CACNA1E: variants seen among roughly 807,000 people sequenced by gnomAD.
CACNA1E encodes the protein voltage-dependent R-type calcium channel subunit alpha-1E.
In CACNA1E, 40 loss-of-function variants were observed where a neutral mutation model predicts 259.2. The observed-to-expected ratio is 0.15, with a 90% CI of 0.12 to 0.20. CACNA1E has a LOEUF of 0.20. Ranked by LOEUF, CACNA1E falls within the 10% of genes least tolerant of loss-of-function variation. The probability of loss-of-function intolerance (pLI) is 1.00; values close to 1 mark genes in which losing one functional copy is unlikely to be tolerated. For missense variants in CACNA1E, 1,874 were observed against 3,040.1 expected (o/e 0.62, Z 9.02); for synonymous variants, 1,104 against 1,138.5 (o/e 0.97, Z 0.61).
chr1:181,390,196 G>T (rs1261620158), intron 1 of CACNA1E, among the ~76,000 whole-genome samples: 1 of 152,234 alleles, frequency 6.6e-6, no homozygotes, highest in Non-Finnish European at 1.5e-5. Context: ...CTTCCCAAGG[G>T]AACAGGATCA....
chr1:181,410,050 C>T (rs1657735191), intron 1 of CACNA1E, among the ~76,000 whole-genome samples: 1 of 152,042 alleles, frequency 6.6e-6, no homozygotes, highest in Non-Finnish European at 1.5e-5. Flanking sequence ...GGAAAGGAGG[C>T]TGCAGCCAGC....
intron 1 of CACNA1E, among the ~76,000 whole-genome samples, chr1:181,406,958 G>A (rs1398974161): frequency 6.6e-6 from 1 of 152,198 alleles, no homozygotes; most frequent in East Asian, 1.9e-4. Context: ...ACCTAGAGAA[G>A]TCAAGCTAAA....
chr1:181,491,632 T>C (rs535865948), intron 1 of CACNA1E, among the ~76,000 whole-genome samples: 2 of 152,348 alleles, frequency 1.3e-5, no homozygotes, highest in African/African-American at 4.8e-5. Context: ...GTTTGGATAG[T>C]GAGGAGGCTT....
intron 27 of CACNA1E, among the ~76,000 whole-genome samples, chr1:181,752,961 C>A (rs755873511): frequency 4.0e-4 from 61 of 152,204 alleles, no homozygotes; most frequent in Non-Finnish European, 7.8e-4. Context: ...GTTGAACCCA[C>A]CTGCCCCACC....
chr1:181,339,971 C>T (rs1652020326), intron 1 of CACNA1E, among the ~76,000 whole-genome samples: 1 of 151,868 alleles, frequency 6.6e-6, no homozygotes, highest in African/African-American at 2.4e-5. Flanking sequence ...CACTTTCATA[C>T]AGTTGAATGT....
At chr1:181,690,297 A>T (rs1651015336) in intron 7 of CACNA1E, among the ~76,000 whole-genome samples, 2 of 152,064 alleles carry the variant, frequency 1.3e-5, no homozygotes, top group South Asian at 4.2e-4. Context: ...GATGTGTGGC[A>T]TTATTTCTGA....
chr1:181,593,020 T>G (rs1652810661), intron 6 of CACNA1E, among the ~76,000 whole-genome samples: 1 of 152,190 alleles, frequency 6.6e-6, no homozygotes, highest in African/African-American at 2.4e-5. Context: ...TTGTAAGTAT[T>G]GAATAGATGA....
At chr1:181,433,629 G>C (rs1420521946) in intron 2 of CACNA1E, among the ~76,000 whole-genome samples, 2 of 152,112 alleles carry the variant, frequency 1.3e-5, no homozygotes, top group African/African-American at 4.8e-5. Context: ...CTAATGTTTT[G>C]ATGTGCTTAT....
intron 43 of CACNA1E, among the ~76,000 whole-genome samples, chr1:181,789,852 C>T (rs1055709902): frequency 2.6e-5 from 4 of 152,224 alleles, no homozygotes; most frequent in Non-Finnish European, 5.9e-5. Flanking sequence ...AAACCTCTTC[C>T]TACATTGCCA....
intron 2 of CACNA1E, among the ~76,000 whole-genome samples, chr1:181,431,635 T>G (rs1214902715): frequency 1.3e-5 from 2 of 152,172 alleles, no homozygotes; most frequent in African/African-American, 2.4e-5. Flanking sequence ...ACAGGGAAAC[T>G]CAGCCATTTC....
At chr1:181,449,162 G>A (rs1277017802) in intron 2 of CACNA1E, among the ~76,000 whole-genome samples, 4 of 151,852 alleles carry the variant, frequency 2.6e-5, no homozygotes, top group Non-Finnish European at 4.4e-5. Context: ...AGTGCAGTTT[G>A]TTTGGATGTG....
At chr1:181,358,691 C>T (rs774520746) in intron 1 of CACNA1E, among the ~76,000 whole-genome samples, 12 of 152,138 alleles carry the variant, frequency 7.9e-5, no homozygotes, top group Non-Finnish European at 1.6e-4. Context: ...CATCACAGAG[C>T]TGTGTGTTAG....
intron 6 of CACNA1E, among the ~76,000 whole-genome samples, chr1:181,593,030 A>T (rs1478513385): frequency 6.6e-6 from 1 of 152,206 alleles, no homozygotes; most frequent in Non-Finnish European, 1.5e-5. Flanking sequence ...TGAATAGATG[A>T]ATAAATAAAT....
intron 6 of CACNA1E, among the ~76,000 whole-genome samples, chr1:181,589,768 A>C (rs1314089362): frequency 6.6e-6 from 1 of 152,200 alleles, no homozygotes; most frequent in Non-Finnish European, 1.5e-5. Context: ...GCCCATGTAG[A>C]AATGTGAAAG....
At position 181,716,062 on chromosome 1, in the gene CACNA1E, G is replaced by C; in HGVS notation, c.1248G>C (p.Lys416Asn). Residue 416 changes from lysine to asparagine, a missense_variant, in exon 10 of 48, where the codon AAG (lysine) becomes AAC (asparagine). Lys to Asn is a moderately conservative substitution (Grantham distance 94). Around this residue, in one of 14 missense-constraint regions of CACNA1E, gnomAD observed 157 missense variants for 203.5 expected, o/e 0.77. Coordinates refer to ENST00000367573, the MANE Select transcript of CACNA1E (RefSeq NM_001205293.3). ...CAGTGCTTCGAAGGGCAACCATCAA[G>C]AGGAGCCGGACAGAGGCCATGACTC... is the stretch of plus-strand genomic sequence containing the variant. The part of the protein sequence containing the change: ...ALEVLRRATI[K>N]RSRTEAMTRD... The C allele has an allele frequency of 6.4e-7, 1 of 1,571,922 alleles. No individual in the cohort carries two copies. Among genetic ancestry groups the C allele is most frequent in the Non-Finnish European group, 8.6e-7 (1 of 1,158,082 alleles).
rs113061468 is a variant in CACNA1E, at chr1:181,761,376, G to A, written c.4606-1198G>A. On this transcript the variant is annotated intron_variant, in intron 32 of 47. Coordinates refer to ENST00000367573, the MANE Select transcript of CACNA1E (RefSeq NM_001205293.3). ...GAACATGGGATATTTTTCAATCCCTGCCTCTAGGATCCATGAGAAGAATAA... is the reference window on the plus strand; with the variant it reads ...GAACATGGGATATTTTTCAATCCCTACCTCTAGGATCCATGAGAAGAATAA... 3.2e-3 allele frequency among the ~76,000 whole-genome samples: 490 copies of A among 152,210 alleles called. 4 individuals are homozygous for A. Among genetic ancestry groups the A allele is most frequent in the African/African-American group, 0.01 (423 of 41,512 alleles).
chr1:181,576,148 G>T (rs980486088), intron 3 of CACNA1E, among the ~76,000 whole-genome samples: 1 of 152,188 alleles, frequency 6.6e-6, no homozygotes, highest in Non-Finnish European at 1.5e-5. Flanking sequence ...CAGAAACCTT[G>T]TCTAGCTCTT....
At chr1:181,742,959 T>C (rs1656715334) in intron 25 of CACNA1E, among the ~76,000 whole-genome samples, 1 of 152,180 alleles carries the variant, frequency 6.6e-6, no homozygotes, top group African/African-American at 2.4e-5. Flanking sequence ...GGATTTATTT[T>C]AAGTGTGGGC....
chr1:181,781,132 T>C (rs1273046237), intron 38 of CACNA1E, among the ~76,000 whole-genome samples: 2 of 152,186 alleles, frequency 1.3e-5, no homozygotes, highest in African/African-American at 2.4e-5. Flanking sequence ...TCATAGGGAC[T>C]GAAGGTTGCC....
Sources: gnomAD v4.1 joint callset for allele counts (sites outside exome capture counted in the v4.1 genomes callset) on GRCh38, gnomAD v4.1.1 for gene constraint, gnomAD v4.1.1 regional missense constraint, MANE v1.5 for transcripts, NCBI Gene and HGNC (gene_info 2026-07-23, HGNC 2026-07-21) for gene names.